The following ENAH variants were observed in gnomAD, a reference collection of about 807,000 sequenced individuals.
ENAH encodes protein enabled homolog.
ENAH carries 23 observed loss-of-function variants against 78.7 expected under a neutral mutation model. The ratio of observed to expected loss-of-function variants is 0.29; its 90% CI spans 0.21 to 0.41. The LOEUF is 0.41. Among genes scored for constraint, ENAH ranks in the 10% least tolerant of loss-of-function variants. ENAH has a pLI of 1.00. For synonymous variants in ENAH, 226 were observed against 241.0 expected (o/e 0.94, Z 0.58); for missense variants, 544 against 691.0 (o/e 0.79, Z 2.39).
chr1:225,498,202 C>T (rs926959597), intron 13 of ENAH, 145 bp downstream of exon 13: 2 of 652,216 alleles, frequency 3.1e-6, no homozygotes, highest in Non-Finnish European at 2.6e-6. Flanking sequence ...AACCTCCTCC[C>T]CAAAACCCTA....
intron 1 of ENAH, among the ~76,000 whole-genome samples, chr1:225,594,005 T>C (rs1289253225): frequency 6.6e-6 from 1 of 152,186 alleles, no homozygotes; most frequent in South Asian, 2.1e-4. Flanking sequence ...TTACATGATT[T>C]TCAGCTATAA....
intron 1 of ENAH, among the ~76,000 whole-genome samples, chr1:225,628,961 C>G (rs777518347): frequency 6.6e-6 from 1 of 150,920 alleles, no homozygotes; most frequent in Admixed American, 6.6e-5. Flanking sequence ...AGCAAACTGA[C>G]TAGAGAGTAA....
intron 1 of ENAH, among the ~76,000 whole-genome samples, chr1:225,618,060 G>A (rs1656117673): frequency 6.6e-6 from 1 of 152,146 alleles, no homozygotes; most frequent in Non-Finnish European, 1.5e-5. Context: ...GAATGAGCAG[G>A]AAAACATTTA....
intron 4 of ENAH, among the ~76,000 whole-genome samples, chr1:225,530,230 A>G (rs2096531509): frequency 1.3e-5 from 2 of 152,234 alleles, no homozygotes; most frequent in Non-Finnish European, 2.9e-5. Flanking sequence ...CATAGTACTC[A>G]CAGATCACTT....
intron 3 of ENAH, among the ~76,000 whole-genome samples, chr1:225,553,715 C>A (rs1435843653): frequency 6.6e-6 from 1 of 152,122 alleles, no homozygotes; most frequent in Non-Finnish European, 1.5e-5. Flanking sequence ...GAGAAATGAC[C>A]TACATACAAG....
chr1:225,575,798 C>T (rs975728924), intron 1 of ENAH, among the ~76,000 whole-genome samples: 1 of 152,186 alleles, frequency 6.6e-6, no homozygotes, highest in Non-Finnish European at 1.5e-5. Context: ...AGGACTGGCA[C>T]TGTCTCTCTC....
chr1:225,567,447 C>T, intron 1 of ENAH, 33 bp from the exon 2 acceptor site: 1 of 1,588,786 alleles, frequency 6.3e-7, no homozygotes, highest in East Asian at 2.2e-5. Flanking sequence ...TTCAAACTTG[C>T]AATATTTAAA....
At chr1:225,576,295 C>CA (rs1479743504) in intron 1 of ENAH, among the ~76,000 whole-genome samples, 20 of 148,690 alleles carry the variant, frequency 1.3e-4, no homozygotes, top group Non-Finnish European at 2.2e-4. Context: ...AAAAAAAACC[C>CA]AAAAAACAAA....
Position 225,497,392 on chromosome 1 carries a change from TC to T in ENAH, c.*382del, listed in dbSNP as rs2096254353. The T allele has an allele frequency of 6.3e-6, 1 of 158,740 alleles. No individual in the cohort carries two copies. The allele number at this position is 158,740 out of a possible 1,614,324, so 9.8% of individuals were successfully genotyped here. On this transcript the variant is annotated 3_prime_UTR_variant, in exon 14 of 14. Coordinates refer to ENST00000366843, the MANE Select transcript of ENAH (RefSeq NM_018212.6). ...TACCAGCACTCTCTGCAAAAAAACT[TC>T]CTAAGCCTTTCTCCTCTTTATTTTA...
At chr1:225,644,456 A>C (rs937533652) in intron 1 of ENAH, among the ~76,000 whole-genome samples, 23 of 152,206 alleles carry the variant, frequency 1.5e-4, no homozygotes, top group Non-Finnish European at 5.9e-5. Flanking sequence ...TAACATGAGA[A>C]TTTGGGGGAG....
intron 1 of ENAH, among the ~76,000 whole-genome samples, chr1:225,606,842 CAAAAAAAAAAAA>C (rs59168194): frequency 1.6e-4 from 8 of 49,050 alleles, no homozygotes; most frequent in Admixed American, 2.7e-4. Context: ...GACTCTGTCT[CAAAAAAAAAAAA>C]AAAAAAAAAA....
intron 1 of ENAH, among the ~76,000 whole-genome samples, chr1:225,634,919 T>C (rs1288027435): frequency 1.3e-5 from 2 of 152,202 alleles, no homozygotes; most frequent in African/African-American, 4.8e-5. Context: ...CCCTTGAAAT[T>C]CCATATGAAT....
chr1:225,548,111 G>A (rs1210900923), intron 3 of ENAH, among the ~76,000 whole-genome samples: 1 of 151,104 alleles, frequency 6.6e-6, no homozygotes, highest in Non-Finnish European at 1.5e-5. Context: ...CAAAAGATAT[G>A]TCTTTACCGG....
intron 1 of ENAH, among the ~76,000 whole-genome samples, chr1:225,642,408 T>C (rs139866832): frequency 2.0e-5 from 3 of 152,168 alleles, no homozygotes; most frequent in Middle Eastern, 3.4e-3. Context: ...CTAGGGCATG[T>C]TGTCATGAGG....
intron 1 of ENAH, among the ~76,000 whole-genome samples, chr1:225,629,393 C>T (rs139916531): frequency 0.016 from 2,397 of 152,224 alleles, 81 homozygotes; most frequent in African/African-American, 0.054. Context: ...CGTGACCAGC[C>T]TGGCCAACAT....
chr1:225,579,599 C>T (rs1009723565), intron 1 of ENAH, among the ~76,000 whole-genome samples: 4 of 152,148 alleles, frequency 2.6e-5, no homozygotes, highest in African/African-American at 4.8e-5. Context: ...TAGAGATTCA[C>T]ACAGACATGC....
At chr1:225,646,744 G>A (rs1662039628) in intron 1 of ENAH, among the ~76,000 whole-genome samples, 1 of 151,892 alleles carries the variant, frequency 6.6e-6, no homozygotes, top group African/African-American at 2.4e-5. Flanking sequence ...ACCTGAGATC[G>A]AGCCGCTGCA....
Position 225,512,662 on chromosome 1 carries a change from T to C in ENAH, c.1417A>G (p.Lys473Glu). The change falls in exon 9 of 14, where the codon AAA (lysine) becomes GAA (glutamate). Residue 473 changes from lysine (K) to glutamate (E), a missense_variant. Transcript: ENST00000366843. Reference sequence around the variant, plus strand: ...GACTATCTTTATTAACTTACACCTTTGTCCTCTTTTTGTTCTGTTTCTATT... The same window carrying C: ...GACTATCTTTATTAACTTACACCTTCGTCCTCTTTTTGTTCTGTTTCTATT... The part of the protein sequence containing the change: ...STIETEQKED[K>E]GEDSEPVTSK... 6.2e-7 allele frequency: 1 copy of C among 1,613,318 alleles called. No individual in the cohort carries two copies.
intron 12 of ENAH, among the ~76,000 whole-genome samples, 159 bp downstream of exon 12, chr1:225,500,833 G>A (rs1225331618): frequency 6.6e-6 from 1 of 151,372 alleles, no homozygotes; most frequent in Non-Finnish European, 1.5e-5. Context: ...GTGTAGATTT[G>A]CAAAAATGCA....
Sources: allele counts gnomAD v4.1 joint callset (sites outside exome capture counted in the v4.1 genomes callset), GRCh38; gene constraint gnomAD v4.1.1; transcripts MANE v1.5; gene names NCBI Gene and HGNC (gene_info 2026-07-23, HGNC 2026-07-21).